The following KCTD16 variants were observed in gnomAD, a reference collection of about 807,000 sequenced individuals.
KCTD16 encodes BTB/POZ domain-containing protein KCTD16.
In KCTD16, 13 loss-of-function variants were observed where a neutral mutation model predicts 33.2. That is an observed-to-expected ratio of 0.39 (90% CI 0.25 to 0.62). The LOEUF is 0.62. Among genes scored for constraint, KCTD16 ranks in the 20% least tolerant of loss-of-function variants. The pLI is 0.50. For missense variants in KCTD16, 441 were observed against 525.1 expected (o/e 0.84, Z 1.57); for synonymous variants, 197 against 195.3 (o/e 1.01, Z -0.07).
chr5:144,457,691 T>A lies in KCTD16; in HGVS notation c.833-15969T>A, dbSNP rs571978866. Among the ~76,000 whole-genome samples, 5 of 152,322 alleles carry A rather than the reference T, an allele frequency of 3.3e-5. No individual in the cohort carries two copies. The South Asian group carries it at 1.0e-3, about 32-fold the overall frequency. On this transcript the variant is annotated intron_variant, in intron 3 of 3. Transcript: ENST00000512467. ...GACAATAACAGGGATACCAATTTTA[T>A]CCCAATATATATGTTGTGATATTGT...
intron 3 of KCTD16, among the ~76,000 whole-genome samples, chr5:144,345,425 G>T (rs890699985): frequency 6.6e-6 from 1 of 152,132 alleles, no homozygotes; most frequent in East Asian, 1.9e-4. Flanking sequence ...TTTATAGGCT[G>T]CCTACATATT....
intron 3 of KCTD16, among the ~76,000 whole-genome samples, chr5:144,405,136 C>T (rs1265806951): frequency 6.6e-6 from 1 of 152,140 alleles, no homozygotes. Context: ...GCTATGAAAG[C>T]CAGAATTTGA....
chr5:144,367,747 G>C, intron 3 of KCTD16, among the ~76,000 whole-genome samples: 1 of 147,844 alleles, frequency 6.8e-6, no homozygotes, highest in Non-Finnish European at 1.5e-5. Flanking sequence ...GTGCAGGTTT[G>C]TTACAAAGAT....
chr5:144,404,798 C>A (rs914815735), intron 3 of KCTD16, among the ~76,000 whole-genome samples: 3 of 151,192 alleles, frequency 2.0e-5, no homozygotes, highest in Admixed American at 6.6e-5. Context: ...TGTTAAGGTG[C>A]CTTCCTGGTC....
chr5:144,171,598 T>A (rs541657308), intron 1 of KCTD16, among the ~76,000 whole-genome samples: 2 of 152,114 alleles, frequency 1.3e-5, no homozygotes, highest in Admixed American at 1.3e-4. Context: ...CACCACCAAG[T>A]TGTGACAGCT....
chr5:144,181,300 T>C (rs956547795), intron 2 of KCTD16, among the ~76,000 whole-genome samples: 1 of 152,156 alleles, frequency 6.6e-6, no homozygotes, highest in Non-Finnish European at 1.5e-5. Flanking sequence ...CCACCACTTC[T>C]CAATGGGATG....
At position 144,482,776 on chromosome 5, in the gene KCTD16, CATCT is replaced by C. The variant is rs1319178776; in HGVS notation, c.*8667_*8670del. 1 of 151,470 alleles carries C rather than the reference CATCT, an allele frequency of 6.6e-6. No individual in the cohort carries two copies. The highest frequency in any genetic ancestry group is 1.5e-5 in the Non-Finnish European group (1 of 67,802). The allele number at this position is 151,470 out of a possible 1,614,324, so 9.4% of individuals were successfully genotyped here. A position where few individuals can be genotyped will look rare whatever the true frequency, so the allele number is the denominator to read the frequency against. ...GTATATATATGTACATATGTGTGTA[CATCT>C]ATCTTAATGTGTATATATAAATATA... On this transcript the variant is annotated 3_prime_UTR_variant, in exon 4 of 4. Transcript: ENST00000512467.
chr5:144,341,780 A>G (rs1297020243), intron 3 of KCTD16, among the ~76,000 whole-genome samples: 1 of 152,206 alleles, frequency 6.6e-6, no homozygotes, highest in African/African-American at 2.4e-5. Context: ...AATTTCCAGT[A>G]TCAGATGCTC....
intron 3 of KCTD16, among the ~76,000 whole-genome samples, chr5:144,463,486 TCTCA>T (rs996291174): frequency 6.6e-6 from 1 of 152,180 alleles, no homozygotes; most frequent in African/African-American, 2.4e-5. Flanking sequence ...ATCATTCAAT[TCTCA>T]CTCTCCTATC....
At position 144,478,649 on chromosome 5, in the gene KCTD16, G is replaced by T. The variant is rs995223219; in HGVS notation, c.*4535G>T. ...TAGTCTCCTTAATAATTTTGATGAG[G>T]ATTGTCTATAGACCTTACTTTGAAA... On this transcript the variant is annotated 3_prime_UTR_variant, in exon 4 of 4. Coordinates refer to ENST00000512467, the MANE Select transcript of KCTD16 (RefSeq NM_020768.4). 3.3e-5 allele frequency: 5 copies of T among 152,010 alleles called. No individual in the cohort carries two copies. Among genetic ancestry groups the T allele is most frequent in the Non-Finnish European group, 1.5e-5 (1 of 67,948 alleles). 9.4% of individuals were successfully genotyped at this position (152,010 alleles called of 1,614,324 possible).
At chr5:144,340,658 TG>T (rs1188962055) in intron 3 of KCTD16, among the ~76,000 whole-genome samples, 1 of 152,118 alleles carries the variant, frequency 6.6e-6, no homozygotes, top group Non-Finnish European at 1.5e-5. Context: ...GTGGGATTAG[TG>T]TCCTTATTAG....
At chr5:144,327,258 G>T (rs1752233594) in intron 3 of KCTD16, among the ~76,000 whole-genome samples, 2 of 152,052 alleles carry the variant, frequency 1.3e-5, no homozygotes, top group Admixed American at 1.3e-4. Context: ...TTCTAAGTAA[G>T]CCCTTCTCCT....
At chr5:144,304,791 G>A (rs188840196) in intron 3 of KCTD16, among the ~76,000 whole-genome samples, 232 of 152,160 alleles carry the variant, frequency 1.5e-3, no homozygotes, top group African/African-American at 5.4e-3. Context: ...AAGGTAAGGA[G>A]GGACTACTGT....
chr5:144,328,975 T>C (rs1752283925), intron 3 of KCTD16, among the ~76,000 whole-genome samples: 2 of 152,182 alleles, frequency 1.3e-5, no homozygotes, highest in Non-Finnish European at 2.9e-5. Context: ...TAATTTTTTA[T>C]TGAATGAACT....
At chr5:144,293,718 A>T (rs1561556434) in intron 3 of KCTD16, among the ~76,000 whole-genome samples, 1 of 152,252 alleles carries the variant, frequency 6.6e-6, no homozygotes, top group Non-Finnish European at 1.5e-5. Flanking sequence ...AGCATAGTTT[A>T]ATAAGACAAA....
At chr5:144,414,157 A>G (rs1752995511) in intron 3 of KCTD16, among the ~76,000 whole-genome samples, 1 of 152,038 alleles carries the variant, frequency 6.6e-6, no homozygotes, top group South Asian at 2.1e-4. Flanking sequence ...CTGCTTCCCA[A>G]TTTTCAAGGT....
intron 3 of KCTD16, among the ~76,000 whole-genome samples, chr5:144,390,044 A>C (rs1422876272): frequency 6.6e-6 from 1 of 152,210 alleles, no homozygotes; most frequent in Non-Finnish European, 1.5e-5. Context: ...TCATATTTCA[A>C]AAACTTCTTT....
chr5:144,187,470 G>C (rs1208954749), intron 2 of KCTD16, among the ~76,000 whole-genome samples: 2 of 151,552 alleles, frequency 1.3e-5, no homozygotes, highest in Non-Finnish European at 2.9e-5. Flanking sequence ...ATACACACAG[G>C]GGGCAAGAGA....
chr5:144,205,839 CA>C, intron 2 of KCTD16: 1 of 347,458 alleles, frequency 2.9e-6, no homozygotes, highest in Non-Finnish European at 5.1e-6. Flanking sequence ...TACATAAATA[CA>C]AATAGGCATT....
Sources: gnomAD v4.1 joint callset for allele counts (sites outside exome capture counted in the v4.1 genomes callset) on GRCh38, gnomAD v4.1.1 for gene constraint, MANE v1.5 for transcripts, NCBI Gene and HGNC (gene_info 2026-07-23, HGNC 2026-07-21) for gene names.